PSIP1: variants seen among roughly 807,000 people sequenced by gnomAD.
The protein encoded by PSIP1 is PC4 and SRSF1 interacting protein 1, also known as PC4 and SFRS1-interacting protein.
A neutral mutation model predicts 74.7 loss-of-function variants in PSIP1; 19 were observed. The observed-to-expected ratio is 0.25, with a 90% CI of 0.18 to 0.37. The LOEUF is 0.37. PSIP1 is among the 10% of genes least tolerant of loss of function. The probability of loss-of-function intolerance (pLI) is 1.00; values close to 1 mark genes in which losing one functional copy is unlikely to be tolerated. For missense variants in PSIP1, 601 were observed against 614.3 expected (o/e 0.98, Z 0.23); for synonymous variants, 222 against 195.3 (o/e 1.14, Z -1.14).
At chr9:15,478,449 C>T (rs758281337) in intron 8 of PSIP1, 28 bp downstream of exon 8, 1 of 1,481,688 alleles carries the variant, frequency 6.7e-7, no homozygotes, top group South Asian at 1.2e-5. Flanking sequence ...TCATTTATTG[C>T]ATAATTATAC....
At chr9:15,486,995 CTTTA>C in intron 4 of PSIP1, 64 bp from the exon 5 acceptor site, 1 of 1,073,444 alleles carries the variant, frequency 9.3e-7, no homozygotes, top group Non-Finnish European at 1.3e-6. Flanking sequence ...ATATACAATT[CTTTA>C]TTTTTATTTT....
At chr9:15,505,181 C>G (rs2037531671) in intron 3 of PSIP1, 1 of 152,112 alleles carries the variant, frequency 6.6e-6, no homozygotes, top group African/African-American at 2.4e-5. Flanking sequence ...AAGTGACCCT[C>G]CCGCCTTGGC....
At chr9:15,483,355 C>T (rs557396843) in intron 6 of PSIP1, among the ~76,000 whole-genome samples, 4 of 151,984 alleles carry the variant, frequency 2.6e-5, no homozygotes, top group African/African-American at 7.2e-5. Context: ...TTCCCTCCCC[C>T]GCCCCCTTTA....
Position 15,469,153 on chromosome 9 carries a change from C to A in PSIP1, c.1105-95G>T, listed in dbSNP as rs191932495. The stretch of plus-strand genomic sequence containing the variant: ...CGTTTCCAAAAAAAAAGAGGTAGTG[C>A]AAAATGACCAGTAATTATCCCTTAA... On this transcript the variant is annotated intron_variant, in intron 12 of 15. Transcript: ENST00000380733. The A allele has an allele frequency of 1.4e-5, 19 of 1,348,866 alleles. No homozygotes were observed. The Admixed American group carries it at 3.6e-4, about 26-fold the overall frequency. 83.6% of individuals were successfully genotyped at this position (1,348,866 alleles called of 1,614,324 possible).
chr9:15,473,904 CAAAAAAAAAACA>C lies in PSIP1; in HGVS notation c.858+93_858+104del, dbSNP rs1259036775. ...CAACACAGCGAGACTCCATCTCAAA[CAAAAAAAAAACA>C]AAAAAAAAAACAAAAAAAAAACAAA... On this transcript the variant is annotated intron_variant, in intron 9 of 15. Coordinates refer to ENST00000380733, the MANE Select transcript of PSIP1 (RefSeq NM_033222.5). The C allele has an allele frequency of 3.4e-3, 2,218 of 653,362 alleles. 18 individuals are homozygous for C. In the African/African-American group the frequency reaches 0.053, roughly 16 times the overall value. 40.5% of individuals were successfully genotyped at this position (653,362 alleles called of 1,614,324 possible).
intron 4 of PSIP1, among the ~76,000 whole-genome samples, chr9:15,487,572 A>G (rs1190587897): frequency 1.3e-5 from 2 of 152,152 alleles, no homozygotes; most frequent in African/African-American, 4.8e-5. Context: ...ACTGCACTCC[A>G]ACCTGGGCGA....
At chr9:15,476,052 A>T (rs2132068495) in intron 8 of PSIP1, among the ~76,000 whole-genome samples, 1 of 152,296 alleles carries the variant, frequency 6.6e-6, no homozygotes, top group East Asian at 1.9e-4. Flanking sequence ...TAAGAGATAC[A>T]TGGTGTTCTA....
chr9:15,507,485 T>A (rs1195328950), intron 2 of PSIP1, among the ~76,000 whole-genome samples: 1 of 151,918 alleles, frequency 6.6e-6, no homozygotes, highest in Non-Finnish European at 1.5e-5. Flanking sequence ...CGGTCTCTAC[T>A]AAAAATACAA....
chr9:15,478,496 A>C lies in PSIP1; in HGVS notation c.610T>G (p.Cys204Gly). 1 of 1,598,124 alleles carries C rather than the reference A, an allele frequency of 6.3e-7. No individual in the cohort carries two copies. Among genetic ancestry groups the C allele is most frequent in the South Asian group, 1.1e-5 (1 of 90,678 alleles). The change falls in exon 8 of 16, where the codon TGT becomes GGT. Residue 204 changes from cysteine (C) to glycine (G), a missense_variant. Around this residue, in one of 2 missense-constraint regions of PSIP1, gnomAD observed 538 missense variants for 507.6 expected, o/e 1.06. Coordinates refer to ENST00000380733, the MANE Select transcript of PSIP1 (RefSeq NM_033222.5). ...ACTCACATGTCACTCTCTGAAGGAC[A>C]GGGCTGTTTTACCATTTTGGGTCTG... ...RGRPKMVKQP[C>G]PSESDIITEE... is the part of the protein sequence containing the mutation.
At position 15,464,793 on chromosome 9, in the gene PSIP1, C is replaced by G. The variant is rs1413030229; in HGVS notation, c.*727G>C. On this transcript the variant is annotated 3_prime_UTR_variant, in exon 16 of 16. Transcript: ENST00000380733. The stretch of plus-strand genomic sequence containing the variant: ...AAGCCAGATTCATTCCTATATATAC[C>G]CAGTCAGTTGTCTGCAAAGAAGTCC... 4.8e-6 allele frequency: 1 copy of G among 206,260 alleles called. No individual in the cohort carries two copies. The highest frequency in any genetic ancestry group is 2.3e-5 in the African/African-American group (1 of 43,830). 12.8% of individuals were successfully genotyped at this position (206,260 alleles called of 1,614,324 possible). A position where few individuals can be genotyped will look rare whatever the true frequency, so the allele number is the denominator to read the frequency against.
chr9:15,475,492 C>G (rs1017902317), intron 8 of PSIP1, among the ~76,000 whole-genome samples: 10 of 152,024 alleles, frequency 6.6e-5, no homozygotes, highest in African/African-American at 2.4e-4. Flanking sequence ...ACCATTTGAC[C>G]CAGCAAATCT....
intron 15 of PSIP1, 67 bp downstream of exon 15, chr9:15,466,681 A>T: frequency 7.9e-7 from 1 of 1,269,232 alleles, no homozygotes; most frequent in Non-Finnish European, 1.1e-6. Flanking sequence ...ATAACCTTGG[A>T]ACAGAACTGT....
intron 3 of PSIP1, among the ~76,000 whole-genome samples, chr9:15,499,418 A>T (rs1429380013): frequency 6.6e-6 from 1 of 152,236 alleles, no homozygotes; most frequent in Non-Finnish European, 1.5e-5. Context: ...CATGGCACAC[A>T]CGTTGAAGCC....
At chr9:15,471,449 G>A in intron 10 of PSIP1, 3 of 1,424,566 alleles carry the variant, frequency 2.1e-6, no homozygotes, top group Non-Finnish European at 2.8e-6. Flanking sequence ...AAGAAGGGTT[G>A]GGCTACATAT....
chr9:15,500,554 C>T lies in PSIP1; in HGVS notation c.149+6007G>A, dbSNP rs554006177. 9.9e-5 allele frequency among the ~76,000 whole-genome samples: 15 copies of T among 152,228 alleles called. No homozygotes were observed. In the South Asian group the frequency reaches 2.7e-3, roughly 27 times the overall value. Reference sequence around the variant, plus strand: ...AAACCATACAAGTCCCACACCAATACGTGCAGCTATGAAACTTGTACAGAA... The same window carrying T: ...AAACCATACAAGTCCCACACCAATATGTGCAGCTATGAAACTTGTACAGAA... On this transcript the variant is annotated intron_variant, in intron 3 of 15. Coordinates refer to ENST00000380733, the MANE Select transcript of PSIP1 (RefSeq NM_033222.5).
At chr9:15,472,398 C>G in intron 10 of PSIP1, 1 of 1,326,450 alleles carries the variant, frequency 7.5e-7, no homozygotes, top group Non-Finnish European at 9.6e-7. Flanking sequence ...ATCTGCACTT[C>G]GTTTAAATTC....
intron 3 of PSIP1, among the ~76,000 whole-genome samples, chr9:15,495,501 C>G (rs559106253): frequency 3.9e-5 from 6 of 152,200 alleles, no homozygotes; most frequent in Non-Finnish European, 8.8e-5. Flanking sequence ...CCAATACCAA[C>G]TTAGTATGCT....
At chr9:15,479,752 G>T in intron 6 of PSIP1, 65 bp from the exon 7 acceptor site, 2 of 1,201,340 alleles carry the variant, frequency 1.7e-6, no homozygotes. Flanking sequence ...TAATTCGATG[G>T]CAAAAATATG....
intron 7 of PSIP1, 151 bp from the exon 8 acceptor site, chr9:15,478,703 TC>T (rs1318920905): frequency 1.5e-5 from 8 of 527,712 alleles, no homozygotes; most frequent in Non-Finnish European, 2.7e-5. Context: ...AAATAATACC[TC>T]CCCCACCATG....
Sources: gnomAD v4.1 joint callset for allele counts (sites outside exome capture counted in the v4.1 genomes callset) on GRCh38, gnomAD v4.1.1 for gene constraint, gnomAD v4.1.1 regional missense constraint, MANE v1.5 for transcripts, NCBI Gene and HGNC (gene_info 2026-07-23, HGNC 2026-07-21) for gene names.